TMEM163: variants seen among roughly 807,000 people sequenced by gnomAD.
The protein encoded by TMEM163 is transmembrane protein 163.
In TMEM163, 17 loss-of-function variants were observed where a neutral mutation model predicts 29.3. That is an observed-to-expected ratio of 0.58 (90% CI 0.40 to 0.87). The LOEUF (loss-of-function observed/expected upper bound fraction) is 0.87, where lower values mean the gene tolerates loss of function less well. Ranked by LOEUF, TMEM163 falls within the 40% of genes least tolerant of loss-of-function variation. The pLI, the probability that TMEM163 is intolerant of heterozygous loss-of-function variation, is 0.00. For synonymous variants in TMEM163, 157 were observed against 160.6 expected (o/e 0.98, Z 0.17); for missense variants, 303 against 381.5 (o/e 0.79, Z 1.71).
In TMEM163 at chr2:134,460,149, C is replaced by T. The variant is rs1349824879; in HGVS notation, c.668-1976G>A. 1.3e-5 allele frequency among the ~76,000 whole-genome samples: 2 copies of T among 148,754 alleles called. No homozygotes were observed. The highest frequency in any genetic ancestry group is 5.0e-5 in the African/African-American group (2 of 40,128). On this transcript the variant is annotated intron_variant, in intron 6 of 7. Transcript: ENST00000281924. The surrounding 1 kb of genome is among the most constrained non-coding windows in gnomAD (Gnocchi z 4.3). ...CTGGCCACCTGTGGCCCTCCCTGTA[C>T]CCCGCCACAGCCAGAGGGACCCTCT...
intron 2 of TMEM163, among the ~76,000 whole-genome samples, chr2:134,675,136 T>C (rs148943301): frequency 1.3e-5 from 2 of 152,358 alleles, no homozygotes; most frequent in East Asian, 3.9e-4. Context: ...TTACAATATG[T>C]ATTATCGAAA....
chr2:134,583,414 T>C (rs1276626792), intron 2 of TMEM163, among the ~76,000 whole-genome samples: 2 of 152,120 alleles, frequency 1.3e-5, no homozygotes, highest in Admixed American at 6.5e-5. Context: ...CTTACAGTGA[T>C]AAAAATTTCA....
intron 4 of TMEM163, among the ~76,000 whole-genome samples, chr2:134,523,457 T>C (rs1680229411): frequency 6.6e-6 from 1 of 152,198 alleles, no homozygotes. Context: ...ATAAGCCAAA[T>C]TTCATTTAGA....
In TMEM163 at chr2:134,534,619, T is replaced by TGGCGC. The variant is rs1221857378; in HGVS notation, c.458+15946_458+15950dup. 3.9e-5 allele frequency among the ~76,000 whole-genome samples: 6 copies of TGGCGC among 151,962 alleles called. No individual in the cohort carries two copies. In the East Asian group the frequency reaches 1.2e-3, roughly 29 times the overall value. ...ATACCAAAAAATTAGCCAGGTGGGG[T>TGGCGC]GGCGCACTCCTGTAATCCCAGCTGC... On this transcript the variant is annotated intron_variant, in intron 4 of 7. Transcript: ENST00000281924.
chr2:134,580,916 A>G (rs1381041945), intron 2 of TMEM163, among the ~76,000 whole-genome samples: 1 of 152,176 alleles, frequency 6.6e-6, no homozygotes, highest in Non-Finnish European at 1.5e-5. Flanking sequence ...CTGCCTCAAA[A>G]AAAACCAGCC....
rs190789227 is a variant in TMEM163, at chr2:134,524,998, C to T, written c.459-22001G>A. ...TACGTTCCTACCAACAGTGTAATAG[C>T]GTTCCTATTTCTCCACAGCCTCGCC... On this transcript the variant is annotated intron_variant, in intron 4 of 7. Transcript: ENST00000281924. 6.7e-4 allele frequency among the ~76,000 whole-genome samples: 90 copies of T among 134,600 alleles called. 10 individuals are homozygous for T. The South Asian group carries it at 0.019, about 28-fold the overall frequency. The allele number at this position is 134,600 out of a possible 152,430, so 88.3% of individuals were successfully genotyped here.
chr2:134,582,263 G>A (rs1396208339), intron 2 of TMEM163, among the ~76,000 whole-genome samples: 1 of 152,206 alleles, frequency 6.6e-6, no homozygotes, highest in African/African-American at 2.4e-5. Flanking sequence ...ATCCCCCAAA[G>A]AGCATAAGGA....
chr2:134,621,552 C>T (rs1354764366), intron 2 of TMEM163, among the ~76,000 whole-genome samples: 3 of 152,200 alleles, frequency 2.0e-5, no homozygotes, highest in African/African-American at 7.2e-5. Flanking sequence ...TCACTCATAA[C>T]ACCCCAAAGC....
intron 2 of TMEM163, among the ~76,000 whole-genome samples, chr2:134,629,946 C>T (rs990096865): frequency 9.9e-5 from 15 of 152,194 alleles, no homozygotes; most frequent in Non-Finnish European, 2.2e-4. Flanking sequence ...ATCTAAGCAG[C>T]TATGAGCTGC....
chr2:134,592,869 G>GAGATAGATAGACAGATAGATAGAT (rs1553483923), intron 2 of TMEM163, among the ~76,000 whole-genome samples: 1 of 148,094 alleles, frequency 6.8e-6, no homozygotes, highest in African/African-American at 2.5e-5. Flanking sequence ...TATTAATATA[G>GAGATAGATAGACAGATAGATAGAT]AGATAGATAG....
chr2:134,599,534 C>G (rs953759137), intron 2 of TMEM163, among the ~76,000 whole-genome samples: 2 of 151,928 alleles, frequency 1.3e-5, no homozygotes, highest in Non-Finnish European at 2.9e-5. Flanking sequence ...GATCGTACAC[C>G]CTCATCTAGG....
chr2:134,683,981 G>A (rs1362325713), intron 2 of TMEM163, among the ~76,000 whole-genome samples: 1 of 152,102 alleles, frequency 6.6e-6, no homozygotes, highest in Admixed American at 6.5e-5. Flanking sequence ...AGTAAAATGG[G>A]CATTTTACCA....
At chr2:134,548,070 G>C (rs1188822558) in intron 4 of TMEM163, among the ~76,000 whole-genome samples, 1 of 152,028 alleles carries the variant, frequency 6.6e-6, no homozygotes. Context: ...AATTCCTTCT[G>C]GAACTGAAAA....
intron 2 of TMEM163, among the ~76,000 whole-genome samples, chr2:134,588,009 T>C (rs1681859141): frequency 6.6e-6 from 1 of 152,160 alleles, no homozygotes; most frequent in South Asian, 2.1e-4. Context: ...AAAATGTAAA[T>C]GTGAGTCCTT....
chr2:134,495,208 A>G (rs1051792120), intron 5 of TMEM163, among the ~76,000 whole-genome samples: 6 of 152,226 alleles, frequency 3.9e-5, no homozygotes, highest in African/African-American at 1.4e-4. Flanking sequence ...CTTGGCCACA[A>G]GTGGCTAGGA....
chr2:134,664,654 G>A (rs757134955), intron 2 of TMEM163, among the ~76,000 whole-genome samples: 1 of 152,252 alleles, frequency 6.6e-6, no homozygotes, highest in Admixed American at 6.5e-5. Context: ...AGAAGGCAAC[G>A]TGACAGGAAG....
intron 2 of TMEM163, among the ~76,000 whole-genome samples, chr2:134,657,078 A>G (rs1683637392): frequency 6.8e-6 from 1 of 146,228 alleles, no homozygotes; most frequent in Non-Finnish European, 1.5e-5. Context: ...TCTTTGCCAG[A>G]TTTTATATCA....
At chr2:134,494,997 TTCTCCCTCC>T (rs1250864112) in intron 5 of TMEM163, among the ~76,000 whole-genome samples, 1 of 114,804 alleles carries the variant, frequency 8.7e-6, no homozygotes, top group East Asian at 2.9e-4. Context: ...CCCTCCCAGG[TTCTCCCTCC>T]CTCTGTCAAA....
intron 2 of TMEM163, among the ~76,000 whole-genome samples, chr2:134,684,750 T>A (rs182172875): frequency 9.2e-5 from 14 of 151,658 alleles, no homozygotes; most frequent in African/African-American, 2.7e-4. Flanking sequence ...ATGGTGAAAC[T>A]CCATCTCTAC....
Sources: gnomAD v4.1 joint callset for allele counts (sites outside exome capture counted in the v4.1 genomes callset) on GRCh38, gnomAD v4.1.1 for gene constraint, Gnocchi (gnomAD v3.1) non-coding constraint, MANE v1.5 for transcripts, NCBI Gene and HGNC (gene_info 2026-07-23, HGNC 2026-07-21) for gene names.